The following NUBPL variants were observed in gnomAD, a reference collection of about 807,000 sequenced individuals.
NUBPL encodes iron-sulfur cluster transfer protein NUBPL.
A neutral mutation model predicts 45.7 loss-of-function variants in NUBPL; 31 were observed. The ratio of observed to expected loss-of-function variants is 0.68; its 90% confidence interval spans 0.51 to 0.92. The LOEUF (loss-of-function observed/expected upper bound fraction) is 0.92. Among genes scored for constraint, NUBPL ranks in the 40% least tolerant of loss-of-function variants. NUBPL has a pLI of 0.00. For synonymous variants in NUBPL, 144 were observed against 140.9 expected, an observed-to-expected ratio of 1.02 and a Z score of -0.15; for missense variants, 401 against 398.7, an observed-to-expected ratio of 1.01 and a Z score of -0.05.
chr14:31,627,743 G>C lies in NUBPL; in HGVS notation c.382+28364G>C, dbSNP rs974881561. Reference sequence around the variant, plus strand: ...ATCGTGCCACTGCACTCCAGCCTGGGTGACAGAGTGAGACTCTGTCTCAAA... The same window carrying C: ...ATCGTGCCACTGCACTCCAGCCTGGCTGACAGAGTGAGACTCTGTCTCAAA... On this transcript the variant is annotated intron_variant, in intron 4 of 10. Transcript: ENST00000281081. Among the ~76,000 whole-genome samples the C allele has an allele frequency of 7.0e-5, 10 of 141,856 alleles. No homozygotes were observed. In the Admixed American group the frequency reaches 7.4e-4, roughly 10 times the overall value. The allele number at this position is 141,856 out of a possible 152,430, so 93.1% of individuals were successfully genotyped here.
intron 4 of NUBPL, among the ~76,000 whole-genome samples, chr14:31,655,019 A>C (rs1286074632): frequency 6.6e-6 from 1 of 152,164 alleles, no homozygotes; most frequent in Non-Finnish European, 1.5e-5. Flanking sequence ...TTTTACCATG[A>C]GATTGCAGCA....
chr14:31,769,541 C>CA (rs1332613308), intron 6 of NUBPL, among the ~76,000 whole-genome samples: 1 of 151,536 alleles, frequency 6.6e-6, no homozygotes, highest in African/African-American at 2.4e-5. Flanking sequence ...TGAGGTTTTA[C>CA]AAAATTCAGC....
intron 6 of NUBPL, among the ~76,000 whole-genome samples, chr14:31,699,238 A>G (rs1340990817): frequency 6.6e-6 from 1 of 152,196 alleles, no homozygotes; most frequent in African/African-American, 2.4e-5. Context: ...TTAGACTTTT[A>G]TAGTTAGTTT....
At chr14:31,675,114 G>T (rs971147449) in intron 6 of NUBPL, among the ~76,000 whole-genome samples, 6 of 149,684 alleles carry the variant, frequency 4.0e-5, no homozygotes, top group Non-Finnish European at 8.8e-5. Flanking sequence ...TCCAGCCTGG[G>T]TGACAGAGTA....
intron 4 of NUBPL, among the ~76,000 whole-genome samples, chr14:31,646,337 C>T (rs1429192125): frequency 6.6e-6 from 1 of 152,078 alleles, no homozygotes; most frequent in Non-Finnish European, 1.5e-5. Context: ...CAGGCACCCG[C>T]CCCCACGCCT....
At chr14:31,596,005 C>T (rs2034273421) in intron 3 of NUBPL, among the ~76,000 whole-genome samples, 1 of 150,970 alleles carries the variant, frequency 6.6e-6, no homozygotes, top group Non-Finnish European at 1.5e-5. Context: ...CTCCTGGGTT[C>T]ATGCCATTCT....
At chr14:31,676,528 C>G (rs984645735) in intron 6 of NUBPL, among the ~76,000 whole-genome samples, 2 of 151,718 alleles carry the variant, frequency 1.3e-5, no homozygotes, top group South Asian at 4.1e-4. Flanking sequence ...CTCTATAATA[C>G]TTTTACAGTT....
chr14:31,743,188 A>G (rs2038323193), intron 6 of NUBPL, among the ~76,000 whole-genome samples: 1 of 151,930 alleles, frequency 6.6e-6, no homozygotes, highest in Non-Finnish European at 1.5e-5. Context: ...GTTCACCTCC[A>G]CCGTTTAAAT....
chr14:31,820,057 A>G (rs890507054), intron 7 of NUBPL, among the ~76,000 whole-genome samples: 4 of 150,826 alleles, frequency 2.7e-5, no homozygotes, highest in Admixed American at 2.0e-4. Context: ...GGAGAATGGC[A>G]TGAACCCAGG....
intron 6 of NUBPL, among the ~76,000 whole-genome samples, chr14:31,710,617 T>C (rs1260073999): frequency 6.6e-6 from 1 of 152,156 alleles, no homozygotes; most frequent in Non-Finnish European, 1.5e-5. Flanking sequence ...TCCTAAACAT[T>C]CTCCTGTTAG....
chr14:31,733,592 G>A (rs1043522315), intron 6 of NUBPL, among the ~76,000 whole-genome samples: 3 of 152,042 alleles, frequency 2.0e-5, no homozygotes, highest in Admixed American at 2.0e-4. Flanking sequence ...TTTTAATTAT[G>A]TGTTTCTAAT....
At chr14:31,690,028 T>C (rs2037057149) in intron 6 of NUBPL, among the ~76,000 whole-genome samples, 1 of 151,960 alleles carries the variant, frequency 6.6e-6, no homozygotes, top group Admixed American at 6.5e-5. Context: ...TCTATGTGTC[T>C]ATTTTTGTAC....
intron 6 of NUBPL, among the ~76,000 whole-genome samples, chr14:31,757,688 A>C (rs954789751): frequency 9.8e-5 from 15 of 152,294 alleles, no homozygotes; most frequent in African/African-American, 3.4e-4. Context: ...GATAAATAGT[A>C]CATGAGGGTT....
At chr14:31,732,761 G>A (rs1185975955) in intron 6 of NUBPL, among the ~76,000 whole-genome samples, 5 of 151,774 alleles carry the variant, frequency 3.3e-5, no homozygotes, top group East Asian at 3.9e-4. Flanking sequence ...ACAGGTGTGC[G>A]CCACCATGCC....
chr14:31,594,018 A>C (rs1016760620), intron 3 of NUBPL, among the ~76,000 whole-genome samples: 1 of 152,190 alleles, frequency 6.6e-6, no homozygotes, highest in Non-Finnish European at 1.5e-5. Context: ...TCCTAGGCCC[A>C]GGAATGGCAT....
chr14:31,807,541 G>A (rs968442374), intron 7 of NUBPL, among the ~76,000 whole-genome samples: 9 of 152,164 alleles, frequency 5.9e-5, no homozygotes, highest in East Asian at 1.9e-4. Context: ...CAGATGAGTA[G>A]ATTGCAAAAA....
At chr14:31,693,755 T>A (rs2037143165) in intron 6 of NUBPL, among the ~76,000 whole-genome samples, 1 of 150,854 alleles carries the variant, frequency 6.6e-6, no homozygotes, top group Non-Finnish European at 1.5e-5. Flanking sequence ...TAATTCAGTT[T>A]TCAGTTGGAC....
rs201659755 is a variant in NUBPL at position 31,753,975 on chromosome 14, C to CA, written c.514-33799dup. Among the ~76,000 whole-genome samples the CA allele has an allele frequency of 9.5e-4, 144 of 152,120 alleles. 4 individuals carry two copies. In the East Asian group the frequency reaches 0.025, roughly 27 times the overall value. On this transcript the variant is annotated intron_variant, in intron 6 of 10. Coordinates refer to ENST00000281081, the MANE Select transcript of NUBPL (RefSeq NM_025152.3). The stretch of plus-strand genomic sequence containing the variant: ...CAGTAGATTTTAAATGTTCTCTCTA[C>CA]AAAAAATGGTAACTATGAGAGATAA...
At chr14:31,623,247 C>T (rs973292505) in intron 4 of NUBPL, among the ~76,000 whole-genome samples, 20 of 152,200 alleles carry the variant, frequency 1.3e-4, no homozygotes, top group Non-Finnish European at 1.5e-5. Flanking sequence ...CCAGTACCCC[C>T]ATTGTATCTT....
Sources: gnomAD v4.1 joint callset for allele counts (sites outside exome capture counted in the v4.1 genomes callset) on GRCh38, gnomAD v4.1.1 for gene constraint, MANE v1.5 for transcripts, NCBI Gene and HGNC (gene_info 2026-07-23, HGNC 2026-07-21) for gene names.